Variants in SLC25A21 observed in about 807,000 individuals in gnomAD.
SLC25A21 encodes the protein mitochondrial 2-oxodicarboxylate carrier.
In SLC25A21, 47 loss-of-function variants were observed where a neutral mutation model predicts 43.8. That is an observed-to-expected ratio of 1.07 (90% CI 0.85 to 1.37). The LOEUF (loss-of-function observed/expected upper bound fraction) is 1.37. Ranked by LOEUF, SLC25A21 falls within the 40% of genes most tolerant of loss-of-function variation. SLC25A21 has a pLI of 0.00. For missense variants in SLC25A21, 352 were observed against 350.2 expected (o/e 1.00, Z -0.04); for synonymous variants, 131 against 121.3 (o/e 1.08, Z -0.52).
chr14:36,983,827 A>G (rs1193071694), intron 1 of SLC25A21, among the ~76,000 whole-genome samples: 3 of 152,188 alleles, frequency 2.0e-5, no homozygotes, highest in Non-Finnish European at 4.4e-5. Context: ...GAATGGAATC[A>G]TATCCTTTGC....
chr14:36,748,422 C>T (rs1436229539), intron 3 of SLC25A21, among the ~76,000 whole-genome samples: 6 of 152,164 alleles, frequency 3.9e-5, no homozygotes, highest in Non-Finnish European at 8.8e-5. Context: ...GACTAAAACA[C>T]AAGTTAAATA....
intron 1 of SLC25A21, among the ~76,000 whole-genome samples, chr14:36,928,443 T>C (rs1351697307): frequency 2.0e-5 from 3 of 152,202 alleles, no homozygotes; most frequent in Non-Finnish European, 4.4e-5. Flanking sequence ...TGATTTTTTT[T>C]TTGTTTTGTT....
At chr14:36,828,325 A>C (rs1201687352) in intron 2 of SLC25A21, 1 of 152,216 alleles carries the variant, frequency 6.6e-6, no homozygotes, top group Non-Finnish European at 1.5e-5. Context: ...GCTCTTGTCA[A>C]TGGAATATAA....
rs184554868 is a variant in SLC25A21, at chr14:36,953,465, G to A, written c.71-78461C>T. ...AAAAAGTCAAAACAGAACAAAACACGATTGTGAAGTTTATAAGTGGTTAGC... is the reference window on the plus strand; with the variant it reads ...AAAAAGTCAAAACAGAACAAAACACAATTGTGAAGTTTATAAGTGGTTAGC... On this transcript the variant is annotated intron_variant, in intron 1 of 9. Transcript: ENST00000331299. Among the ~76,000 whole-genome samples the A allele has an allele frequency of 1.1e-4, 17 of 152,170 alleles. No individual in the cohort carries two copies. In the East Asian group the frequency reaches 2.9e-3, roughly 26 times the overall value.
At chr14:37,097,483 C>T (rs978510815) in intron 1 of SLC25A21, among the ~76,000 whole-genome samples, 2 of 152,094 alleles carry the variant, frequency 1.3e-5, no homozygotes, top group African/African-American at 4.8e-5. Flanking sequence ...TCTATTTGGC[C>T]ATCTTGTTCT....
chr14:36,804,563 G>T (rs1887973838), intron 3 of SLC25A21, among the ~76,000 whole-genome samples: 1 of 152,144 alleles, frequency 6.6e-6, no homozygotes, highest in Admixed American at 6.6e-5. Context: ...AACGATAAAG[G>T]ACCAGAATGG....
intron 1 of SLC25A21, among the ~76,000 whole-genome samples, chr14:37,119,946 G>A (rs1014201798): frequency 5.3e-5 from 8 of 152,222 alleles, no homozygotes; most frequent in South Asian, 4.2e-4. Flanking sequence ...ACAATGATAC[G>A]AGTGGCAGAA....
At chr14:36,848,308 T>C (rs1889612669) in intron 2 of SLC25A21, among the ~76,000 whole-genome samples, 2 of 152,234 alleles carry the variant, frequency 1.3e-5, no homozygotes, top group African/African-American at 4.8e-5. Context: ...AAAAGAATTA[T>C]ACGTTATGTA....
intron 1 of SLC25A21, among the ~76,000 whole-genome samples, chr14:37,085,091 G>A (rs1962459049): frequency 6.6e-6 from 1 of 152,040 alleles, no homozygotes; most frequent in Admixed American, 6.5e-5. Flanking sequence ...TGTCTGAAGT[G>A]GAGAGGGGTG....
At chr14:37,106,079 T>C (rs1962905915) in intron 1 of SLC25A21, among the ~76,000 whole-genome samples, 1 of 152,146 alleles carries the variant, frequency 6.6e-6, no homozygotes, top group African/African-American at 2.4e-5. Context: ...AGGATGTATG[T>C]CACCTCAGGA....
intron 3 of SLC25A21, among the ~76,000 whole-genome samples, chr14:36,763,840 C>T (rs768072102): frequency 5.2e-4 from 79 of 151,206 alleles, no homozygotes; most frequent in Non-Finnish European, 9.7e-4. Flanking sequence ...ACCAACTTGG[C>T]CAAGATGGTG....
At chr14:36,974,677 A>C (rs1464760878) in intron 1 of SLC25A21, among the ~76,000 whole-genome samples, 1 of 152,216 alleles carries the variant, frequency 6.6e-6, no homozygotes, top group East Asian at 1.9e-4. Flanking sequence ...TATTATGTTG[A>C]AGTTACAAGT....
intron 2 of SLC25A21, among the ~76,000 whole-genome samples, chr14:36,832,792 C>T (rs750148323): frequency 6.6e-5 from 10 of 152,132 alleles, no homozygotes; most frequent in Non-Finnish European, 1.2e-4. Context: ...TGAAAATTAT[C>T]ACTTCAAAGG....
chr14:36,770,083 C>T (rs1316914172), intron 3 of SLC25A21, among the ~76,000 whole-genome samples: 1 of 152,134 alleles, frequency 6.6e-6, no homozygotes, highest in Admixed American at 6.6e-5. Flanking sequence ...TAGCCTTGCT[C>T]GCACTATTCA....
At chr14:36,725,197 G>C (rs749790750) in intron 6 of SLC25A21, 20 of 152,946 alleles carry the variant, frequency 1.3e-4, no homozygotes, top group Non-Finnish European at 2.0e-4. Flanking sequence ...TTTATGGCTG[G>C]GCGTGGTGGC....
At chr14:36,845,823 G>T (rs1234050449) in intron 2 of SLC25A21, among the ~76,000 whole-genome samples, 1 of 152,192 alleles carries the variant, frequency 6.6e-6, no homozygotes, top group Non-Finnish European at 1.5e-5. Context: ...TATGGGGTGG[G>T]ATCTTGTGAT....
chr14:37,015,595 T>C (rs1318824881), intron 1 of SLC25A21, among the ~76,000 whole-genome samples: 71 of 151,438 alleles, frequency 4.7e-4, no homozygotes, highest in Admixed American at 1.1e-3. Flanking sequence ...TTTCTAGTTC[T>C]GGATCCCTGA....
intron 6 of SLC25A21, among the ~76,000 whole-genome samples, chr14:36,718,486 G>A (rs891710781): frequency 7.3e-5 from 11 of 151,280 alleles, no homozygotes; most frequent in African/African-American, 2.2e-4. Context: ...AGAGCCACAC[G>A]CTCACTCTCT....
At chr14:36,704,298 C>T (rs572208936) in intron 7 of SLC25A21, among the ~76,000 whole-genome samples, 1 of 152,308 alleles carries the variant, frequency 6.6e-6, no homozygotes, top group African/African-American at 2.4e-5. Context: ...GTTATCTGGA[C>T]ATTTCAGACA....
Sources: allele counts gnomAD v4.1 joint callset (sites outside exome capture counted in the v4.1 genomes callset), GRCh38; gene constraint gnomAD v4.1.1; transcripts MANE v1.5; gene names NCBI Gene and HGNC (gene_info 2026-07-23, HGNC 2026-07-21).